CACNA2D1: variants seen among roughly 807,000 people sequenced by gnomAD.
CACNA2D1 encodes voltage-dependent calcium channel subunit alpha-2/delta-1.
A neutral mutation model predicts 171.5 loss-of-function variants in CACNA2D1; 53 were observed. That is an observed-to-expected ratio of 0.31 (90% CI 0.25 to 0.39). CACNA2D1 has a LOEUF of 0.39. CACNA2D1 is among the 10% of genes least tolerant of loss of function. The probability of loss-of-function intolerance (pLI) is 1.00; values close to 1 mark genes in which losing one functional copy is unlikely to be tolerated. For missense variants in CACNA2D1, 903 were observed against 1,299.8 expected (o/e 0.69, Z 4.69); for synonymous variants, 442 against 443.1 (o/e 1.00, Z 0.03).
At chr7:82,296,691 T>G (rs575172549) in intron 3 of CACNA2D1, among the ~76,000 whole-genome samples, 1 of 152,278 alleles carries the variant, frequency 6.6e-6, no homozygotes, top group Non-Finnish European at 1.5e-5. Flanking sequence ...TCCTATGTAT[T>G]ACCACTGTAT....
intron 1 of CACNA2D1, among the ~76,000 whole-genome samples, chr7:82,362,491 C>CA (rs1821181043): frequency 6.6e-6 from 1 of 152,128 alleles, no homozygotes; most frequent in Non-Finnish European, 1.5e-5. Flanking sequence ...TCAGGAAATA[C>CA]AAAAGGACTT....
At chr7:82,395,321 T>C (rs1302574272) in intron 1 of CACNA2D1, among the ~76,000 whole-genome samples, 2 of 152,174 alleles carry the variant, frequency 1.3e-5, no homozygotes, top group Admixed American at 6.5e-5. Context: ...ACAAGGTCAG[T>C]GTCAAGCAGT....
chr7:81,976,564 A>G (rs1252537134), intron 24 of CACNA2D1, among the ~76,000 whole-genome samples: 2 of 152,132 alleles, frequency 1.3e-5, no homozygotes, highest in Non-Finnish European at 2.9e-5. Flanking sequence ...GGTGTATAGG[A>G]TTGCTTGTGG....
chr7:82,083,912 C>T (rs1168742902), intron 7 of CACNA2D1, among the ~76,000 whole-genome samples: 5 of 152,102 alleles, frequency 3.3e-5, no homozygotes, highest in Non-Finnish European at 7.4e-5. Context: ...GTTTAGGACA[C>T]CCAAGTCTCA....
At chr7:82,073,294 A>G (rs1406001728) in intron 7 of CACNA2D1, among the ~76,000 whole-genome samples, 2 of 151,972 alleles carry the variant, frequency 1.3e-5, no homozygotes, top group African/African-American at 2.4e-5. Context: ...CTAAAATTCT[A>G]CTCTAAAACT....
At chr7:82,416,404 TAACA>T (rs905251478) in intron 1 of CACNA2D1, among the ~76,000 whole-genome samples, 1 of 152,058 alleles carries the variant, frequency 6.6e-6, no homozygotes, top group Non-Finnish European at 1.5e-5. Context: ...CAGGCTACCA[TAACA>T]AACTATTGTC....
chr7:81,962,139 C>A, intron 35 of CACNA2D1, 116 bp from the exon 36 acceptor site: 1 of 949,934 alleles, frequency 1.1e-6, no homozygotes, highest in Non-Finnish European at 1.6e-6. Context: ...AGACCAGGAC[C>A]CCTCGACTGG....
Position 82,197,669 on chromosome 7 carries a change from G to A in CACNA2D1, c.295-27060C>T, listed in dbSNP as rs1276590734. Among the ~76,000 whole-genome samples the A allele has an allele frequency of 3.9e-5, 6 of 152,002 alleles. No homozygotes were observed. The South Asian group carries it at 8.3e-4, about 21-fold the overall frequency. On this transcript the variant is annotated intron_variant, in intron 3 of 38. Coordinates refer to ENST00000356860, the MANE Select transcript of CACNA2D1 (RefSeq NM_000722.4). Reference sequence around the variant, plus strand: ...GTTACGTGGCATGTGCCTCAGGGACGACACAGACAAGTTACCAGTTTTCAG... The same window carrying A: ...GTTACGTGGCATGTGCCTCAGGGACAACACAGACAAGTTACCAGTTTTCAG...
At chr7:82,410,442 T>C in intron 1 of CACNA2D1, 1 of 848,216 alleles carries the variant, frequency 1.2e-6, no homozygotes, top group Non-Finnish European at 1.4e-6. Flanking sequence ...TCTTTCATTC[T>C]GATTGGCTTA....
chr7:82,408,191 T>C (rs1266785660), intron 1 of CACNA2D1, among the ~76,000 whole-genome samples: 3 of 152,042 alleles, frequency 2.0e-5, no homozygotes, highest in Non-Finnish European at 4.4e-5. Context: ...CAGCTAATTT[T>C]TTTTTATTTT....
At chr7:82,337,993 T>C (rs1360379641) in intron 2 of CACNA2D1, among the ~76,000 whole-genome samples, 1 of 152,194 alleles carries the variant, frequency 6.6e-6, no homozygotes, top group Non-Finnish European at 1.5e-5. Context: ...AGATTATGGT[T>C]TGTGAGATAG....
intron 1 of CACNA2D1, among the ~76,000 whole-genome samples, chr7:82,439,579 A>T (rs1189063942): frequency 2.0e-5 from 3 of 151,660 alleles, no homozygotes. Context: ...ATATGCTTAG[A>T]TTCTTGTATT....
chr7:82,406,382 A>G (rs918826210), intron 1 of CACNA2D1, among the ~76,000 whole-genome samples: 18 of 152,174 alleles, frequency 1.2e-4, no homozygotes, highest in African/African-American at 4.3e-4. Flanking sequence ...TAGCAGCATG[A>G]TTTATAATCC....
At chr7:82,437,964 T>C (rs1168021494) in intron 1 of CACNA2D1, among the ~76,000 whole-genome samples, 3 of 152,230 alleles carry the variant, frequency 2.0e-5, no homozygotes, top group Admixed American at 6.5e-5. Flanking sequence ...CTGCTTAGTA[T>C]GTAAAGAACT....
intron 6 of CACNA2D1, among the ~76,000 whole-genome samples, chr7:82,095,404 T>C (rs554156038): frequency 1.3e-5 from 2 of 152,252 alleles, no homozygotes; most frequent in South Asian, 2.1e-4. Flanking sequence ...CTGGGTAGGG[T>C]AGGCACCACG....
chr7:82,159,882 T>C (rs566475700), intron 4 of CACNA2D1, among the ~76,000 whole-genome samples: 1 of 80,470 alleles, frequency 1.2e-5, no homozygotes, highest in Admixed American at 1.5e-4. Flanking sequence ...AAACAGAAAA[T>C]GTAGCTCAAT....
intron 3 of CACNA2D1, among the ~76,000 whole-genome samples, chr7:82,291,488 AT>A (rs1811582681): frequency 1.5e-5 from 2 of 133,518 alleles, no homozygotes; most frequent in African/African-American, 5.5e-5. Context: ...AATATATTAT[AT>A]ATATTTTTAT....
At position 82,037,970 on chromosome 7, in the gene CACNA2D1, G is replaced by GA; in HGVS notation, c.1038+106dup. On this transcript the variant is annotated intron_variant, in intron 11 of 38. Coordinates refer to ENST00000356860, the MANE Select transcript of CACNA2D1 (RefSeq NM_000722.4). ...GCACACATCTGTGTTTTAAATAAAT[G>GA]AAAAACAGCACTATCTAATCCCAGA... 3 of 1,090,008 alleles carry GA rather than the reference G, an allele frequency of 2.8e-6. 1 individual carries two copies. The South Asian group carries it at 3.8e-5, about 14-fold the overall frequency. The allele number at this position is 1,090,008 out of a possible 1,614,324, so 67.5% of individuals were successfully genotyped here.
At chr7:82,386,802 AAC>A in intron 1 of CACNA2D1, among the ~76,000 whole-genome samples, 1 of 151,576 alleles carries the variant, frequency 6.6e-6, no homozygotes, top group East Asian at 1.9e-4. Context: ...ACTTAGCAAA[AAC>A]ACACAGTGCA....
Sources: gnomAD v4.1 joint callset for allele counts (sites outside exome capture counted in the v4.1 genomes callset) on GRCh38, gnomAD v4.1.1 for gene constraint, MANE v1.5 for transcripts, NCBI Gene and HGNC (gene_info 2026-07-23, HGNC 2026-07-21) for gene names.